The following AFF1 variants were observed in gnomAD, a reference collection of about 807,000 sequenced individuals.
AFF1 encodes AF4/FMR2 family member 1.
A neutral mutation model predicts 121.7 loss-of-function variants in AFF1; 48 were observed. That is an observed-to-expected ratio of 0.39 (90% CI 0.31 to 0.50). The LOEUF (loss-of-function observed/expected upper bound fraction) is 0.50. Ranked by LOEUF, AFF1 falls within the 20% of genes least tolerant of loss-of-function variation. The pLI, the probability that AFF1 is intolerant of heterozygous loss-of-function variation, is 0.76. For synonymous variants in AFF1, 613 were observed against 563.0 expected (o/e 1.09, Z -1.26); for missense variants, 1,523 against 1,511.7 (o/e 1.01, Z -0.12).
At chr4:87,037,333 A>G (rs1347086688) in intron 2 of AFF1, among the ~76,000 whole-genome samples, 1 of 152,100 alleles carries the variant, frequency 6.6e-6, no homozygotes, top group Admixed American at 6.5e-5. Flanking sequence ...TTGTTTTGAG[A>G]TGGAGTCTTG....
chr4:87,107,586 C>T (rs1397063509), intron 10 of AFF1, among the ~76,000 whole-genome samples: 2 of 152,176 alleles, frequency 1.3e-5, no homozygotes, highest in Non-Finnish European at 2.9e-5. Context: ...GGCTACCACC[C>T]AGTTCTTGTT....
chr4:87,054,005 G>A (rs936431625), intron 4 of AFF1, among the ~76,000 whole-genome samples: 1 of 152,206 alleles, frequency 6.6e-6, no homozygotes, highest in African/African-American at 2.4e-5. Flanking sequence ...CAGGAAGAAG[G>A]AATAGCATGT....
rs751954189 is a variant in AFF1 at position 87,115,127 on chromosome 4, C to G, written c.2294C>G (p.Pro765Arg). The change falls in exon 12 of 21, where the codon CCA becomes CGA. Residue 765 changes from proline (P) to arginine (R), a missense_variant. Physicochemically the swap from Pro to Arg is moderately radical, Grantham distance 103 (BLOSUM62 -2). This residue lies in a region of AFF1 where 905 missense variants were observed against 842.5 expected (regional missense o/e 1.07). Transcript: ENST00000395146. ...LLSPLRDTPP[P>R]QSLMVKITLD... is the part of the protein sequence containing the mutation. ...TCACCGCTCAGGGACACTCCTCCCCCACAAAGCTTGATGGTGAAGATCACC... is the reference window on the plus strand; with the variant it reads ...TCACCGCTCAGGGACACTCCTCCCCGACAAAGCTTGATGGTGAAGATCACC... The G allele has an allele frequency of 3.1e-6, 5 of 1,614,164 alleles. No homozygotes were observed. Among genetic ancestry groups the G allele is most frequent in the African/African-American group, 2.7e-5 (2 of 75,042 alleles).
At chr4:87,069,254 C>T (rs113239296) in intron 4 of AFF1, among the ~76,000 whole-genome samples, 5 of 136,848 alleles carry the variant, frequency 3.7e-5, no homozygotes, top group South Asian at 2.5e-4. Flanking sequence ...AGACAGGTGG[C>T]GTGGTGTGTG....
intron 12 of AFF1, among the ~76,000 whole-genome samples, chr4:87,124,113 C>T (rs965135277): frequency 6.6e-6 from 1 of 152,190 alleles, no homozygotes; most frequent in African/African-American, 2.4e-5. Flanking sequence ...AAGTGAGGCA[C>T]AAGAATGCAA....
intron 20 of AFF1, among the ~76,000 whole-genome samples, chr4:87,135,177 AC>A (rs1275427570): frequency 6.6e-6 from 1 of 152,164 alleles, no homozygotes; most frequent in African/African-American, 2.4e-5. Context: ...GGGGAAGAAG[AC>A]CCTTGGAGAA....
chr4:86,949,919 G>A (rs1352232299), intron 2 of AFF1: 36 of 1,611,410 alleles, frequency 2.2e-5, no homozygotes, highest in East Asian at 1.3e-4. Flanking sequence ...GATCTTCCGC[G>A]TCTTGGACCC....
At chr4:87,075,795 G>A (rs1194852374) in intron 4 of AFF1, among the ~76,000 whole-genome samples, 1 of 152,166 alleles carries the variant, frequency 6.6e-6, no homozygotes, top group Non-Finnish European at 1.5e-5. Context: ...GTTGTCTGGA[G>A]TTTTACCAAT....
chr4:87,007,530 T>A, intron 2 of AFF1: 1 of 1,446,858 alleles, frequency 6.9e-7, no homozygotes, highest in South Asian at 1.2e-5. Context: ...GGAAGCAGCT[T>A]TGTCATTGCC....
At chr4:87,049,343 T>C (rs1299301091) in intron 4 of AFF1, among the ~76,000 whole-genome samples, 4 of 150,754 alleles carry the variant, frequency 2.7e-5, no homozygotes, top group Non-Finnish European at 5.9e-5. Context: ...TGGAACGAGG[T>C]GCTTATAAAC....
Position 87,115,014 on chromosome 4 carries a change from G to A in AFF1, c.2181G>A (p.Arg727=), listed in dbSNP as rs757383461. The change falls in exon 12 of 21, where the codon AGG becomes AGA. Residue 727 remains arginine, a synonymous_variant. Transcript: ENST00000395146. ...QGPPHSGSGS[R]TSGCRQAVVV... is the part of the protein sequence containing the mutation. ...CACCCCACAGTGGCAGCGGCAGCAG[G>A]ACTAGTGGCTGCCGCCAAGCCGTGG... is the stretch of plus-strand genomic sequence containing the variant. 3.1e-6 allele frequency: 5 copies of A among 1,613,436 alleles called. No homozygotes were observed. The highest frequency in any genetic ancestry group is 4.2e-6 in the Non-Finnish European group (5 of 1,179,868).
intron 16 of AFF1, among the ~76,000 whole-genome samples, chr4:87,128,638 G>A (rs1475172054): frequency 1.3e-5 from 2 of 152,152 alleles, no homozygotes; most frequent in Non-Finnish European, 2.9e-5. Flanking sequence ...GGCCCAGCCC[G>A]CAAGATCCTG....
intron 12 of AFF1, among the ~76,000 whole-genome samples, chr4:87,121,312 C>T (rs1435170665): frequency 1.3e-5 from 2 of 152,206 alleles, no homozygotes; most frequent in Non-Finnish European, 2.9e-5. Context: ...TAAAGAACAG[C>T]ATGCCTCCTG....
intron 8 of AFF1, among the ~76,000 whole-genome samples, chr4:87,103,677 GAACTTTCTCT>G (rs1240456063): frequency 6.6e-6 from 1 of 152,198 alleles, no homozygotes; most frequent in Non-Finnish European, 1.5e-5. Flanking sequence ...CCAAAAGTCA[GAACTTTCTCT>G]AACTTTCTGA....
intron 2 of AFF1, among the ~76,000 whole-genome samples, chr4:86,973,442 G>A (rs1723079081): frequency 6.6e-6 from 1 of 152,156 alleles, no homozygotes; most frequent in South Asian, 2.1e-4. Context: ...TTCTGCCTCA[G>A]TTGGTCTCTT....
At chr4:87,090,290 A>G (rs889604350) in intron 6 of AFF1, among the ~76,000 whole-genome samples, 3 of 152,254 alleles carry the variant, frequency 2.0e-5, no homozygotes, top group Non-Finnish European at 4.4e-5. Flanking sequence ...ATTTATAAAA[A>G]GCATTCAGGA....
intron 2 of AFF1, among the ~76,000 whole-genome samples, chr4:87,029,086 C>T (rs1354254082): frequency 1.3e-5 from 2 of 152,144 alleles, no homozygotes; most frequent in East Asian, 3.9e-4. Context: ...TGAAATCGGG[C>T]AGGTTGTAAT....
intron 2 of AFF1, among the ~76,000 whole-genome samples, chr4:87,032,236 T>C (rs1729150541): frequency 6.6e-6 from 1 of 152,262 alleles, no homozygotes; most frequent in Non-Finnish European, 1.5e-5. Flanking sequence ...CATGTAACTG[T>C]TGCTTGTTAC....
At chr4:86,982,848 C>CAAAAAAAAAAAAAAAAAAA (rs59568294) in intron 2 of AFF1, among the ~76,000 whole-genome samples, 4 of 53,804 alleles carry the variant, frequency 7.4e-5, no homozygotes, top group African/African-American at 2.7e-4. Context: ...ACTCTGTCTC[C>CAAAAAAAAAAAAAAAAAAA]AAAAAAAAAA....
Sources: allele counts gnomAD v4.1 joint callset (sites outside exome capture counted in the v4.1 genomes callset), GRCh38; gene constraint gnomAD v4.1.1; regional missense constraint gnomAD v4.1.1; transcripts MANE v1.5; gene names NCBI Gene and HGNC (gene_info 2026-07-23, HGNC 2026-07-21).